The following TREH variants were observed in gnomAD, a reference collection of about 807,000 sequenced individuals.
TREH encodes trehalase.
TREH carries 69 observed loss-of-function variants against 80.5 expected under a neutral mutation model. The ratio of observed to expected loss-of-function variants is 0.86; its 90% CI spans 0.71 to 1.05. The LOEUF (loss-of-function observed/expected upper bound fraction) is 1.05, where lower values mean the gene tolerates loss of function less well. Ranked by LOEUF, TREH falls within the 50% of genes least tolerant of loss-of-function variation. The pLI is 0.00. For synonymous variants in TREH, 309 were observed against 293.5 expected (o/e 1.05, Z -0.54); for missense variants, 716 against 718.8 (o/e 1.00, Z 0.04).
chr11:118,672,713 C>CAAAAA (rs58199596), intron 1 of TREH, among the ~76,000 whole-genome samples: 19 of 43,888 alleles, frequency 4.3e-4, no homozygotes, highest in Middle Eastern at 0.01. Context: ...GACTCCATCT[C>CAAAAA]AAAAAAAAAA....
In TREH at chr11:118,674,068, G is replaced by A. The variant is rs1298955464; in HGVS notation, c.89+5471C>T. ...CCCCCAGGAGCTTGTTCCTGATCCA[G>A]CCATTTCCATTTCATTATGGAACTC... On this transcript the variant is annotated intron_variant, in intron 1 of 14. Coordinates refer to ENST00000264029, the MANE Select transcript of TREH (RefSeq NM_007180.3). The surrounding 1 kb of genome is among the most constrained non-coding windows in gnomAD (Gnocchi z 4.4). 3.3e-5 allele frequency among the ~76,000 whole-genome samples: 5 copies of A among 152,166 alleles called. No homozygotes were observed. The highest frequency in any genetic ancestry group is 3.3e-4 in the Admixed American group (5 of 15,274).
intron 13 of TREH, 52 bp from the exon 14 acceptor site, chr11:118,658,785 A>T: frequency 7.4e-6 from 12 of 1,611,926 alleles, no homozygotes; most frequent in Non-Finnish European, 1.0e-5. Flanking sequence ...CAGCTCCAGG[A>T]ACAACAAACA....
At position 118,661,932 on chromosome 11, in the gene TREH, G is replaced by T; in HGVS notation, c.482C>A (p.Pro161His). 1 of 1,556,000 alleles carries T rather than the reference G, an allele frequency of 6.4e-7. No individual in the cohort carries two copies. Residue 161 changes from proline (P) to histidine (H), a missense_variant, in exon 5 of 15, where the codon CCC becomes CAC. Pro to His is a moderately conservative substitution (Grantham distance 77, BLOSUM62 -2). Transcript: ENST00000264029. The surrounding 1 kb of genome is among the most constrained non-coding windows in gnomAD (Gnocchi z 4.2). ...ERFSLIYSEHPFIVPGGRFVE... is the reference protein window; with the variant it reads ...ERFSLIYSEHHFIVPGGRFVE... ...AAAGCGACCGCCAGGCACAATGAAG[G>T]GATGTTCTGAGTAGATGAGAGAGAA...
intron 1 of TREH, among the ~76,000 whole-genome samples, chr11:118,679,191 G>A (rs1949509415): frequency 6.6e-6 from 1 of 152,094 alleles, no homozygotes; most frequent in African/African-American, 2.4e-5. Context: ...TCAATGACAG[G>A]CTGGGCGTGG....
chr11:118,658,140 C>T lies in TREH; in HGVS notation c.*149G>A, dbSNP rs1949224271. 5.3e-6 allele frequency: 6 copies of T among 1,128,434 alleles called. No individual in the cohort carries two copies. The highest frequency in any genetic ancestry group is 7.5e-6 in the Non-Finnish European group (6 of 803,270). The allele number at this position is 1,128,434 out of a possible 1,614,324, so 69.9% of individuals were successfully genotyped here. On this transcript the variant is annotated 3_prime_UTR_variant, in exon 15 of 15. Transcript: ENST00000264029. ...GTTCCAGGAGGGAGCTAGGCCCCTA[C>T]CCATGACCTCCAGGTCGTGACCCTG...
intron 1 of TREH, among the ~76,000 whole-genome samples, chr11:118,675,309 T>C (rs1316698297): frequency 1.3e-5 from 2 of 152,178 alleles, no homozygotes; most frequent in Non-Finnish European, 2.9e-5. Context: ...ATCCTGGCAC[T>C]AACCATCGGG....
intron 12 of TREH, 110 bp downstream of exon 12, chr11:118,659,260 G>T: frequency 1.0e-6 from 1 of 976,494 alleles, no homozygotes; most frequent in South Asian, 1.7e-5. Flanking sequence ...AGGAGCGAGA[G>T]AAAGGATACG....
chr11:118,679,582 G>A lies in TREH; in HGVS notation c.46C>T (p.Leu16=). ...WELCLLLLLG[L]GLGSQEALPP... ...AGGGCCTCCTGGGACCCCAGTCCCA[G>A]CCCCAGCAGCAGTAGCAGGCACAGC... The change falls in exon 1 of 15, where the codon CTG becomes TTG. Residue 16 remains leucine (L), a synonymous_variant. Coordinates refer to ENST00000264029, the MANE Select transcript of TREH (RefSeq NM_007180.3). 2 of 1,553,468 alleles carry A rather than the reference G, an allele frequency of 1.3e-6. No homozygotes were observed. The highest frequency in any genetic ancestry group is 1.7e-6 in the Non-Finnish European group (2 of 1,146,514).
chr11:118,659,140 C>T, intron 12 of TREH, 123 bp from the exon 13 acceptor site: 1 of 1,100,308 alleles, frequency 9.1e-7, no homozygotes, highest in Middle Eastern at 2.7e-4. Context: ...TTCCTGAGAC[C>T]ACAGGCCAAA....
Position 118,658,043 on chromosome 11 carries a change from G to C in TREH, c.*246C>G, listed in dbSNP as rs745930. The C allele has an allele frequency of 1.8e-6, 1 of 545,132 alleles. No homozygotes were observed. The highest frequency in any genetic ancestry group is 3.3e-6 in the Non-Finnish European group (1 of 307,666). 33.8% of individuals were successfully genotyped at this position (545,132 alleles called of 1,614,324 possible). A position where few individuals can be genotyped will look rare whatever the true frequency, so the allele number is the denominator to read the frequency against. On this transcript the variant is annotated 3_prime_UTR_variant, in exon 15 of 15. Transcript: ENST00000264029. ...GGACTACGGAAGTGAGTGGAAGGCC[G>C]GTGTGGGGCTTGGCGCTGAGGCACT...
rs1591824079 is a variant in TREH, at chr11:118,658,097, A to G, written c.*192T>C. 2 of 762,820 alleles carry G rather than the reference A, an allele frequency of 2.6e-6. No homozygotes were observed. The highest frequency in any genetic ancestry group is 3.5e-5 in the African/African-American group (2 of 56,926). The allele number at this position is 762,820 out of a possible 1,614,324, so 47.3% of individuals were successfully genotyped here. ...GGATAGGTCTTCCCTCCAGAGCAGG[A>G]TTTCCACCCTATTCAAGGTTCCAGG... is the stretch of plus-strand genomic sequence containing the variant. On this transcript the variant is annotated 3_prime_UTR_variant, in exon 15 of 15. Transcript: ENST00000264029.
intron 1 of TREH, 109 bp from the exon 2 acceptor site, chr11:118,663,548 G>A (rs1191524998): frequency 1.1e-6 from 1 of 879,322 alleles, no homozygotes; most frequent in East Asian, 2.6e-5. Context: ...CCCTGGGACT[G>A]GACAAGGGCT....
intron 4 of TREH, 96 bp from the exon 5 acceptor site, chr11:118,662,086 T>G (rs1266453365): frequency 3.0e-6 from 3 of 990,932 alleles, no homozygotes; most frequent in South Asian, 1.4e-5. Flanking sequence ...AGTCACAGCT[T>G]TGGAGCCAGG....
intron 1 of TREH, among the ~76,000 whole-genome samples, chr11:118,665,501 A>G (rs560862119): frequency 6.2e-4 from 95 of 152,034 alleles, no homozygotes; most frequent in South Asian, 1.2e-3. Flanking sequence ...TTAGCCAGGC[A>G]TGGTGGCGGG....
chr11:118,664,584 T>C (rs1240597803), intron 1 of TREH, among the ~76,000 whole-genome samples: 1 of 152,222 alleles, frequency 6.6e-6, no homozygotes, highest in East Asian at 1.9e-4. Flanking sequence ...CAGAAGATGC[T>C]GTACCAATAT....
rs1949434483 is a variant in TREH at position 118,672,095 on chromosome 11, A to T, written c.89+7444T>A. On this transcript the variant is annotated intron_variant, in intron 1 of 14. Transcript: ENST00000264029. ...CTTCGATCAGAAAGAATAGGATGTTAACATGCAATAAGAAACCACCTGGGC... is the reference window on the plus strand; with the variant it reads ...CTTCGATCAGAAAGAATAGGATGTTTACATGCAATAAGAAACCACCTGGGC... Among the ~76,000 whole-genome samples, 5 of 152,212 alleles carry T rather than the reference A, an allele frequency of 3.3e-5. No individual in the cohort carries two copies. In the South Asian group the frequency reaches 8.3e-4, roughly 25 times the overall value.
chr11:118,658,572 C>T lies in TREH; in HGVS notation c.1599+108G>A, dbSNP rs1555143993. 5 of 1,515,826 alleles carry T rather than the reference C, an allele frequency of 3.3e-6. No individual in the cohort carries two copies. In the African/African-American group the frequency reaches 5.5e-5, roughly 17 times the overall value. The allele number at this position is 1,515,826 out of a possible 1,614,324, so 93.9% of individuals were successfully genotyped here. Reference sequence around the variant, plus strand: ...GTACAGGAAGCACCAGTCAGCTCCTCCCCCGGGCCCACATGCAGGTGAGCA... The same window carrying T: ...GTACAGGAAGCACCAGTCAGCTCCTTCCCCGGGCCCACATGCAGGTGAGCA... On this transcript the variant is annotated intron_variant, in intron 14 of 14. Coordinates refer to ENST00000264029, the MANE Select transcript of TREH (RefSeq NM_007180.3).
At chr11:118,676,772 A>AG (rs1555146904) in intron 1 of TREH, among the ~76,000 whole-genome samples, 1 of 151,286 alleles carries the variant, frequency 6.6e-6, no homozygotes, top group Non-Finnish European at 1.5e-5. Flanking sequence ...GCTGTCTCAA[A>AG]AAAAAAAAGA....
intron 1 of TREH, among the ~76,000 whole-genome samples, chr11:118,667,854 C>T (rs1184133448): frequency 2.0e-5 from 3 of 152,080 alleles, no homozygotes; most frequent in Non-Finnish European, 4.4e-5. Context: ...ACCTTAAAGT[C>T]TTTTATCCCT....
Sources: allele counts gnomAD v4.1 joint callset (sites outside exome capture counted in the v4.1 genomes callset), GRCh38; gene constraint gnomAD v4.1.1; non-coding constraint Gnocchi (gnomAD v3.1); transcripts MANE v1.5; gene names NCBI Gene and HGNC (gene_info 2026-07-23, HGNC 2026-07-21).